WWOX: variants seen among roughly 807,000 people sequenced by gnomAD.
WWOX encodes WW domain-containing oxidoreductase.
Under a neutral mutation model 46.2 loss-of-function variants are expected in WWOX, and 69 were observed. The ratio of observed to expected loss-of-function variants is 1.49; its 90% CI spans 1.23 to 1.82. WWOX has a LOEUF of 1.82. Ranked by LOEUF, WWOX falls within the 40% of genes most tolerant of loss-of-function variation. The probability of loss-of-function intolerance (pLI) is 0.00; values close to 1 mark genes in which losing one functional copy is unlikely to be tolerated. For missense variants in WWOX, 919 were observed against 542.6 expected (o/e 1.69, Z -6.89); for synonymous variants, 359 against 202.6 (o/e 1.77, Z -6.56).
intron 8 of WWOX, among the ~76,000 whole-genome samples, chr16:78,837,961 T>G (rs2052034691): frequency 6.6e-6 from 1 of 152,162 alleles, no homozygotes; most frequent in Non-Finnish European, 1.5e-5. Context: ...ATGAGTAAAT[T>G]TACTTTGTGT....
chr16:78,354,626 A>G (rs2081248469), intron 5 of WWOX, among the ~76,000 whole-genome samples: 1 of 152,034 alleles, frequency 6.6e-6, no homozygotes, highest in Admixed American at 6.6e-5. Flanking sequence ...AAGCTTTCTG[A>G]ATTCCTTATT....
At chr16:78,424,395 C>A (rs561387570) in intron 6 of WWOX, among the ~76,000 whole-genome samples, 9 of 152,312 alleles carry the variant, frequency 5.9e-5, no homozygotes, top group African/African-American at 2.2e-4. Flanking sequence ...GCTGGGATTA[C>A]AGGCGTGAGC....
At chr16:78,381,188 C>T (rs1338438312) in intron 5 of WWOX, among the ~76,000 whole-genome samples, 1 of 152,176 alleles carries the variant, frequency 6.6e-6, no homozygotes, top group African/African-American at 2.4e-5. Context: ...TCTTTGGTTT[C>T]AGGCAGTATC....
At chr16:78,680,748 C>T (rs763747419) in intron 8 of WWOX, among the ~76,000 whole-genome samples, 4 of 152,104 alleles carry the variant, frequency 2.6e-5, no homozygotes, top group Non-Finnish European at 5.9e-5. Context: ...GTAGAGTGTC[C>T]CATTGCACAG....
chr16:78,409,948 G>A (rs1464545217), intron 6 of WWOX, among the ~76,000 whole-genome samples: 5 of 152,218 alleles, frequency 3.3e-5, no homozygotes, highest in African/African-American at 9.6e-5. Context: ...AGGTGATAGA[G>A]TTTGCATGTT....
intron 8 of WWOX, among the ~76,000 whole-genome samples, chr16:78,596,358 G>A (rs998322963): frequency 6.6e-6 from 1 of 152,130 alleles, no homozygotes. Flanking sequence ...GGCCCTTCAA[G>A]AGCATGTAGT....
intron 5 of WWOX, among the ~76,000 whole-genome samples, chr16:78,357,438 A>G (rs996929360): frequency 1.5e-4 from 23 of 152,130 alleles, no homozygotes; most frequent in African/African-American, 4.3e-4. Context: ...GGTTCATTCA[A>G]TCAATGAATG....
At chr16:79,101,562 T>A (rs2049194228) in intron 8 of WWOX, 1 of 152,148 alleles carries the variant, frequency 6.6e-6, no homozygotes, top group Non-Finnish European at 1.5e-5. Context: ...GGGAATTTGC[T>A]TCTTATCTAG....
At chr16:79,102,201 T>C (rs74333478) in intron 8 of WWOX, among the ~76,000 whole-genome samples, 3,693 of 152,262 alleles carry the variant, frequency 0.024, 167 homozygotes, top group African/African-American at 0.084. Flanking sequence ...CTTCTCAATC[T>C]TTCTGAAAGA....
intron 8 of WWOX, among the ~76,000 whole-genome samples, chr16:78,936,761 A>C (rs1328519635): frequency 2.7e-5 from 4 of 150,626 alleles, no homozygotes; most frequent in African/African-American, 9.9e-5. Context: ...ACTATGAGTT[A>C]AGTAAAAAAA....
intron 8 of WWOX, among the ~76,000 whole-genome samples, chr16:78,905,896 G>A (rs1255514547): frequency 1.3e-5 from 2 of 152,308 alleles, no homozygotes; most frequent in South Asian, 2.1e-4. Context: ...TAGTGTCGGA[G>A]CACCCAGCCA....
chr16:78,110,358 AAAAG>A (rs1482092412), intron 3 of WWOX, among the ~76,000 whole-genome samples: 6 of 151,606 alleles, frequency 4.0e-5, no homozygotes, highest in Admixed American at 2.0e-4. Context: ...AAAAAAAAAA[AAAAG>A]AGGGAATGCA....
At chr16:78,369,133 C>G (rs960019709) in intron 5 of WWOX, among the ~76,000 whole-genome samples, 2 of 151,648 alleles carry the variant, frequency 1.3e-5, no homozygotes, top group East Asian at 3.9e-4. Flanking sequence ...TAAAGGAAAA[C>G]TCATTAATGT....
At chr16:79,043,740 T>A (rs2048015198) in intron 8 of WWOX, among the ~76,000 whole-genome samples, 2 of 152,178 alleles carry the variant, frequency 1.3e-5, no homozygotes, top group African/African-American at 4.8e-5. Flanking sequence ...AATCTCTGGA[T>A]CCAGGCTGAA....
chr16:78,161,586 A>T (rs1198460605), intron 4 of WWOX, among the ~76,000 whole-genome samples: 1 of 152,024 alleles, frequency 6.6e-6, no homozygotes, highest in Non-Finnish European at 1.5e-5. Flanking sequence ...AGCTGGGACT[A>T]CCGGTACCTG....
intron 5 of WWOX, among the ~76,000 whole-genome samples, chr16:78,298,166 CAA>C (rs2079972269): frequency 6.6e-6 from 1 of 152,132 alleles, no homozygotes; most frequent in Non-Finnish European, 1.5e-5. Context: ...AACTGTGAAT[CAA>C]TTAAACCTCT....
chr16:78,197,234 C>A (rs1317076180), intron 5 of WWOX, among the ~76,000 whole-genome samples: 1 of 152,156 alleles, frequency 6.6e-6, no homozygotes, highest in African/African-American at 2.4e-5. Context: ...GCATTGCTGG[C>A]ACCCAGATTG....
At chr16:79,145,713 T>C (rs1434846144) in intron 8 of WWOX, among the ~76,000 whole-genome samples, 1 of 152,162 alleles carries the variant, frequency 6.6e-6, no homozygotes, top group African/African-American at 2.4e-5. Context: ...AGCTAAAATA[T>C]TCAGTAAAAA....
At chr16:78,522,849 A>G (rs2043379274) in intron 8 of WWOX, among the ~76,000 whole-genome samples, 1 of 152,214 alleles carries the variant, frequency 6.6e-6, no homozygotes, top group Non-Finnish European at 1.5e-5. Flanking sequence ...AGGCAGGTGG[A>G]TCACTCGAGG....
Sources: gnomAD v4.1 joint callset for allele counts (sites outside exome capture counted in the v4.1 genomes callset) on GRCh38, gnomAD v4.1.1 for gene constraint, MANE v1.5 for transcripts, NCBI Gene and HGNC (gene_info 2026-07-23, HGNC 2026-07-21) for gene names.